GLDC: variants seen among roughly 807,000 people sequenced by gnomAD.
The protein encoded by GLDC is glycine dehydrogenase (decarboxylating), mitochondrial.
GLDC carries 104 observed loss-of-function variants against 121.3 expected under a neutral mutation model. The ratio of observed to expected loss-of-function variants is 0.86; its 90% confidence interval spans 0.73 to 1.01. GLDC has a LOEUF of 1.01. GLDC is among the 50% of genes least tolerant of loss of function. GLDC has a pLI of 0.00. For missense variants in GLDC, 1,429 were observed against 1,306.6 expected, an observed-to-expected ratio of 1.09 and a Z score of -1.44; for synonymous variants, 546 against 480.6, an observed-to-expected ratio of 1.14 and a Z score of -1.78.
intron 21 of GLDC, among the ~76,000 whole-genome samples, chr9:6,546,158 C>T (rs1424986173): frequency 6.6e-6 from 1 of 151,920 alleles, no homozygotes; most frequent in East Asian, 1.9e-4. Flanking sequence ...TCTAGGCCTA[C>T]AGATTCAGGA....
chr9:6,613,060 G>C (rs1013670648), intron 3 of GLDC, among the ~76,000 whole-genome samples: 12 of 152,184 alleles, frequency 7.9e-5, no homozygotes, highest in Non-Finnish European at 1.3e-4. Flanking sequence ...TTTTCTCTGG[G>C]AGGTAAGATG....
At chr9:6,638,567 T>C (rs1273528082) in intron 2 of GLDC, among the ~76,000 whole-genome samples, 1 of 152,192 alleles carries the variant, frequency 6.6e-6, no homozygotes, top group Non-Finnish European at 1.5e-5. Flanking sequence ...TAACTCTGTC[T>C]TTCCATCCCA....
In GLDC at chr9:6,603,009, C is replaced by G. The variant is rs571879321; in HGVS notation, c.1059-804G>C. ...TTGGGGGGCCAAGGTGGGCGGATCA[C>G]CTGAGGTCCAGAGTTTGAGACCAGC... On this transcript the variant is annotated intron_variant, in intron 7 of 24. Coordinates refer to ENST00000321612, the MANE Select transcript of GLDC (RefSeq NM_000170.3). 2.6e-5 allele frequency among the ~76,000 whole-genome samples: 4 copies of G among 152,078 alleles called. No individual in the cohort carries two copies. The South Asian group carries it at 8.3e-4, about 32-fold the overall frequency.
Position 6,592,970 on chromosome 9 carries a change from G to A in GLDC, c.1282C>T (p.Gln428Ter). The part of the protein sequence containing the change: ...LSEGLKRAGH[Q>*]LQHDLFFDTL... ...TCAAAGAACAGGTCATGCTGGAGTT[G>A]ATGCCCTGCTCGCTTGAGACCTACA... Residue 428 changes from glutamine to a stop codon, truncating the protein, a stop_gained, in exon 10 of 25, where the codon CAA becomes TAA. Coordinates refer to ENST00000321612, the MANE Select transcript of GLDC (RefSeq NM_000170.3). LOFTEE classifies it high-confidence loss of function. The A allele has an allele frequency of 6.2e-7, 1 of 1,611,380 alleles. No individual in the cohort carries two copies. The highest frequency in any genetic ancestry group is 8.5e-7 in the Non-Finnish European group (1 of 1,178,994).
intron 2 of GLDC, chr9:6,639,481 A>G (rs1819581328): frequency 2.3e-6 from 2 of 887,572 alleles, no homozygotes; most frequent in Non-Finnish European, 3.8e-6. Flanking sequence ...CAGGCTGTGA[A>G]GAAGCTCTAT....
At chr9:6,590,967 A>C (rs1315060530) in intron 11 of GLDC, among the ~76,000 whole-genome samples, 1 of 152,210 alleles carries the variant, frequency 6.6e-6, no homozygotes, top group Non-Finnish European at 1.5e-5. Context: ...GCACTCTGGA[A>C]GGTATTTCTA....
chr9:6,574,849 A>G (rs1373749230), intron 15 of GLDC, among the ~76,000 whole-genome samples: 1 of 152,018 alleles, frequency 6.6e-6, no homozygotes, highest in Admixed American at 6.6e-5. Flanking sequence ...GATGTCAACC[A>G]TGAGCTCAGG....
chr9:6,615,414 C>T (rs1311421317), intron 3 of GLDC, among the ~76,000 whole-genome samples: 3 of 143,028 alleles, frequency 2.1e-5, no homozygotes, highest in Non-Finnish European at 4.5e-5. Flanking sequence ...CTTGTCTCTA[C>T]TAAAAATTTA....
chr9:6,580,163 C>A (rs549490355), intron 15 of GLDC, among the ~76,000 whole-genome samples: 4 of 152,278 alleles, frequency 2.6e-5, no homozygotes, highest in Admixed American at 2.6e-4. Flanking sequence ...TTGTGGATCT[C>A]CATAAGCCAA....
At chr9:6,579,339 A>G (rs1278481955) in intron 15 of GLDC, among the ~76,000 whole-genome samples, 1 of 152,122 alleles carries the variant, frequency 6.6e-6, no homozygotes, top group Non-Finnish European at 1.5e-5. Flanking sequence ...AATATTAATT[A>G]ACTCTTCCAT....
At chr9:6,588,353 G>C (rs1183206193) in intron 14 of GLDC, 48 bp downstream of exon 14, 1 of 1,350,912 alleles carries the variant, frequency 7.4e-7, no homozygotes, top group Admixed American at 1.7e-5. Flanking sequence ...GTGGAAGCTA[G>C]AACACTGCCC....
intron 16 of GLDC, among the ~76,000 whole-genome samples, chr9:6,563,490 G>C (rs1334979567): frequency 1.3e-5 from 2 of 152,268 alleles, no homozygotes; most frequent in African/African-American, 4.8e-5. Context: ...AGATACTAAT[G>C]AAGAGGAACT....
chr9:6,629,958 T>TATATATATATATGTG, intron 2 of GLDC, among the ~76,000 whole-genome samples: 5 of 78,664 alleles, frequency 6.4e-5, no homozygotes, highest in Admixed American at 1.3e-4. Flanking sequence ...TATATATATA[T>TATATATATATATGTG]TTTTTTTTTT....
At chr9:6,637,158 A>C (rs1420487985) in intron 2 of GLDC, among the ~76,000 whole-genome samples, 1 of 151,634 alleles carries the variant, frequency 6.6e-6, no homozygotes. Flanking sequence ...AAATCCCAGC[A>C]CTTTGGAAGG....
At chr9:6,636,190 C>A (rs1205715512) in intron 2 of GLDC, among the ~76,000 whole-genome samples, 1 of 151,980 alleles carries the variant, frequency 6.6e-6, no homozygotes, top group Non-Finnish European at 1.5e-5. Context: ...TGTAGTCTCG[C>A]CTACTCAGGA....
intron 15 of GLDC, among the ~76,000 whole-genome samples, chr9:6,571,740 T>C (rs1260733790): frequency 6.6e-6 from 1 of 152,234 alleles, no homozygotes; most frequent in African/African-American, 2.4e-5. Flanking sequence ...TGCTTATTTC[T>C]CAAATTTTCC....
intron 15 of GLDC, among the ~76,000 whole-genome samples, chr9:6,570,684 T>C (rs1009562107): frequency 4.6e-5 from 7 of 152,052 alleles, no homozygotes; most frequent in Admixed American, 4.6e-4. Context: ...CGAAACTTCG[T>C]CTCTACTAAA....
At chr9:6,550,411 G>C (rs1563833158) in intron 21 of GLDC, among the ~76,000 whole-genome samples, 1 of 152,116 alleles carries the variant, frequency 6.6e-6, no homozygotes, top group Non-Finnish European at 1.5e-5. Context: ...TGGATCACCT[G>C]AGGTCAGGAG....
At chr9:6,580,949 G>C (rs1281539126) in intron 15 of GLDC, among the ~76,000 whole-genome samples, 1 of 152,184 alleles carries the variant, frequency 6.6e-6, no homozygotes, top group Admixed American at 6.5e-5. Flanking sequence ...ACAGGTCTTT[G>C]TTTCATCCTG....
Sources: allele counts gnomAD v4.1 joint callset (sites outside exome capture counted in the v4.1 genomes callset), GRCh38; gene constraint gnomAD v4.1.1; transcripts MANE v1.5; gene names NCBI Gene and HGNC (gene_info 2026-07-23, HGNC 2026-07-21).